Variants in AFG3L2 observed in about 807,000 individuals in gnomAD.
AFG3L2 encodes AFG3 like matrix AAA peptidase subunit 2, also known as mitochondrial inner membrane m-AAA protease component AFG3L2.
AFG3L2 carries 54 observed loss-of-function variants against 94.5 expected under a neutral mutation model. The observed-to-expected ratio is 0.57, with a 90% CI of 0.46 to 0.72. The LOEUF is 0.72. Ranked by LOEUF, AFG3L2 falls within the 30% of genes least tolerant of loss-of-function variation. The pLI is 0.00. For missense variants in AFG3L2, 754 were observed against 994.9 expected, an observed-to-expected ratio of 0.76 and a Z score of 3.26; for synonymous variants, 377 against 365.5, an observed-to-expected ratio of 1.03 and a Z score of -0.36.
rs1419397227 is a variant in AFG3L2, at chr18:12,351,378, C to T, written c.1354G>A (p.Gly452Ser). The T allele has an allele frequency of 2.5e-6, 4 of 1,614,054 alleles. No individual in the cohort carries two copies. The highest frequency in any genetic ancestry group is 3.3e-5 in the Admixed American group (2 of 59,994). ...TCCAGGATATCTGGTCGATTGGTGC[C>T]GGCCAAAATGACGACATTTGTTGTT... Reference protein sequence around the residue: ...NTTTNVVILAGTNRPDILDPA... With the variant: ...NTTTNVVILASTNRPDILDPA... The change falls in exon 11 of 17, where the codon GGC becomes AGC. Residue 452 changes from glycine to serine, a missense_variant. Physicochemically the swap from Gly to Ser is moderately conservative, Grantham distance 56 (BLOSUM62 0). Coordinates refer to ENST00000269143, the MANE Select transcript of AFG3L2 (RefSeq NM_006796.3).
chr18:12,362,825 C>T (rs972056686), intron 6 of AFG3L2, among the ~76,000 whole-genome samples: 2 of 144,446 alleles, frequency 1.4e-5, no homozygotes, highest in Non-Finnish European at 2.9e-5. Flanking sequence ...CTACTTTCTC[C>T]CTAGGCTTCC....
intron 5 of AFG3L2, among the ~76,000 whole-genome samples, chr18:12,365,871 CTTTTTT>C (rs576247423): frequency 8.8e-6 from 1 of 113,836 alleles, no homozygotes; most frequent in African/African-American, 3.6e-5. Context: ...TGCATCAATT[CTTTTTT>C]TTTTTTTTTT....
At chr18:12,370,586 T>C (rs1205739280) in intron 3 of AFG3L2, among the ~76,000 whole-genome samples, 1 of 151,160 alleles carries the variant, frequency 6.6e-6, no homozygotes, top group South Asian at 2.1e-4. Flanking sequence ...GCCTCCCAGG[T>C]AGCTGGGACT....
At chr18:12,370,180 G>C (rs1358358663) in intron 3 of AFG3L2, among the ~76,000 whole-genome samples, 1 of 151,790 alleles carries the variant, frequency 6.6e-6, no homozygotes, top group Non-Finnish European at 1.5e-5. Flanking sequence ...GTAATGCTCT[G>C]AGGAGCAATT....
At chr18:12,330,249 C>T (rs1210741381) in intron 16 of AFG3L2, among the ~76,000 whole-genome samples, 1 of 151,956 alleles carries the variant, frequency 6.6e-6, no homozygotes, top group African/African-American at 2.4e-5. Context: ...TCACTTGAAC[C>T]CGGGAGGCGG....
At chr18:12,343,253 T>C (rs1480423169) in intron 14 of AFG3L2, 2 of 152,248 alleles carry the variant, frequency 1.3e-5, no homozygotes, top group South Asian at 2.1e-4. Context: ...TTATTGCTAA[T>C]ACACAGAAAT....
At chr18:12,370,468 T>C (rs925196782) in intron 3 of AFG3L2, among the ~76,000 whole-genome samples, 5 of 134,184 alleles carry the variant, frequency 3.7e-5, no homozygotes, top group African/African-American at 1.6e-4. Context: ...ACTTTCTTTT[T>C]TTTTTTTTTT....
chr18:12,332,209 C>T (rs1014901655), intron 16 of AFG3L2, among the ~76,000 whole-genome samples: 5 of 150,298 alleles, frequency 3.3e-5, no homozygotes, highest in Non-Finnish European at 5.9e-5. Context: ...CTGCAACCTC[C>T]GCCTCCCAGG....
chr18:12,333,029 TAAAAA>T (rs1907605585), intron 16 of AFG3L2, among the ~76,000 whole-genome samples: 1 of 65,300 alleles, frequency 1.5e-5, no homozygotes. Flanking sequence ...TAATAATATA[TAAAAA>T]TATATAATCT....
chr18:12,359,654 G>A (rs1463279037), intron 7 of AFG3L2, among the ~76,000 whole-genome samples: 7 of 152,034 alleles, frequency 4.6e-5, no homozygotes, highest in Admixed American at 1.3e-4. Context: ...CAGGAGAATC[G>A]CGTGAACTGG....
intron 13 of AFG3L2, among the ~76,000 whole-genome samples, chr18:12,347,882 A>C (rs1468380054): frequency 6.6e-6 from 1 of 152,216 alleles, no homozygotes; most frequent in Non-Finnish European, 1.5e-5. Context: ...ACCTGTATCT[A>C]GCACAGAGCA....
Position 12,357,931 on chromosome 18 carries a change from G to C in AFG3L2, c.1026+739C>G, listed in dbSNP as rs185324289. Among the ~76,000 whole-genome samples, 245 of 152,232 alleles carry C rather than the reference G, an allele frequency of 1.6e-3. 2 individuals are homozygous for C. The highest frequency in any genetic ancestry group is 1.7e-3 in the South Asian group (8 of 4,818). On this transcript the variant is annotated intron_variant, in intron 8 of 16. Coordinates refer to ENST00000269143, the MANE Select transcript of AFG3L2 (RefSeq NM_006796.3). The stretch of plus-strand genomic sequence containing the variant: ...ACTATTATATTAAGTTGTAGAGACA[G>C]TTAGGTGTAATGCAAACGGGTACTA...
chr18:12,329,651 T>G lies in AFG3L2; in HGVS notation c.2308A>C (p.Thr770Pro), dbSNP rs745988988. 10 of 1,613,998 alleles carry G rather than the reference T, an allele frequency of 6.2e-6. No homozygotes were observed. Among genetic ancestry groups the G allele is most frequent in the Non-Finnish European group, 8.5e-6 (10 of 1,180,034 alleles). ...TCCTTAAGGCCTTCTGGAAGTGAGGTGTCCTCATCCAAGCTGCCAGTGCCT... is the reference window on the plus strand; with the variant it reads ...TCCTTAAGGCCTTCTGGAAGTGAGGGGTCCTCATCCAAGCTGCCAGTGCCT... ...VEGTGSLDED[T>P]SLPEGLKDWN... is the part of the protein sequence containing the mutation. The change falls in exon 17 of 17, where the codon ACC becomes CCC. Residue 770 changes from threonine (T) to proline (P), a missense_variant. By Grantham distance (38) the Thr-to-Pro change is conservative. Transcript: ENST00000269143.
chr18:12,376,136 T>C (rs1039964207), intron 1 of AFG3L2, among the ~76,000 whole-genome samples: 1 of 152,172 alleles, frequency 6.6e-6, no homozygotes, highest in African/African-American at 2.4e-5. Flanking sequence ...CTATCTCCCC[T>C]TACAGTGAAG....
intron 6 of AFG3L2, among the ~76,000 whole-genome samples, chr18:12,363,375 T>A (rs1355418255): frequency 6.6e-6 from 1 of 152,146 alleles, no homozygotes; most frequent in East Asian, 1.9e-4. Context: ...CACAAAATGG[T>A]TGGGAGATGG....
intron 1 of AFG3L2, among the ~76,000 whole-genome samples, chr18:12,373,302 A>G (rs753641706): frequency 3.9e-5 from 6 of 152,196 alleles, no homozygotes; most frequent in African/African-American, 7.2e-5. Flanking sequence ...AAGGGTGTAG[A>G]TTAAAATGAA....
intron 13 of AFG3L2, among the ~76,000 whole-genome samples, chr18:12,347,199 A>G (rs1230805503): frequency 6.6e-6 from 1 of 152,222 alleles, no homozygotes; most frequent in African/African-American, 2.4e-5. Context: ...CATAGGACAA[A>G]ATTTTAAAAG....
intron 16 of AFG3L2, among the ~76,000 whole-genome samples, chr18:12,331,393 C>T (rs1907519639): frequency 2.6e-5 from 4 of 152,316 alleles, no homozygotes; most frequent in South Asian, 4.1e-4. Context: ...CTCATGCTGC[C>T]GGAGCAGAGC....
chr18:12,333,264 T>C (rs1375790299), intron 16 of AFG3L2, among the ~76,000 whole-genome samples: 1 of 128,786 alleles, frequency 7.8e-6, no homozygotes, highest in Non-Finnish European at 1.6e-5. Flanking sequence ...ATAGATTATA[T>C]ATTATAAATA....
Sources: allele counts gnomAD v4.1 joint callset (sites outside exome capture counted in the v4.1 genomes callset), GRCh38; gene constraint gnomAD v4.1.1; transcripts MANE v1.5; gene names NCBI Gene and HGNC (gene_info 2026-07-23, HGNC 2026-07-21).